Variants in MKKS observed in about 807,000 individuals in gnomAD.
MKKS encodes the protein MKKS centrosomal shuttling protein, also known as molecular chaperone MKKS.
A neutral mutation model predicts 33.2 loss-of-function variants in MKKS; 29 were observed. The ratio of observed to expected loss-of-function variants is 0.87; its 90% confidence interval spans 0.65 to 1.19. MKKS has a LOEUF of 1.19. MKKS is among the 50% of genes most tolerant of loss of function. The pLI, the probability that MKKS is intolerant of heterozygous loss-of-function variation, is 0.00. For missense variants in MKKS, 661 were observed against 662.3 expected (o/e 1.00, Z 0.02); for synonymous variants, 260 against 244.0 (o/e 1.07, Z -0.61).
In MKKS at chr20:10,413,536, T is replaced by G. The variant is rs531656259; in HGVS notation, c.-22A>C. On this transcript the variant is annotated 5_prime_UTR_variant, in exon 3 of 6. Transcript: ENST00000347364. ...ACATCTTACTTCAGGTGGTAACTAG[T>G]GAAGACCGTTTTTATTTTGTAAACC... 6 of 1,613,874 alleles carry G rather than the reference T, an allele frequency of 3.7e-6. No individual in the cohort carries two copies. In the East Asian group the frequency reaches 1.3e-4, roughly 36 times the overall value.
intron 3 of MKKS, among the ~76,000 whole-genome samples, chr20:10,410,775 G>A (rs1351040444): frequency 6.6e-6 from 1 of 151,590 alleles, no homozygotes; most frequent in South Asian, 2.1e-4. Context: ...GATTACCAGG[G>A]GAGATAGGTA....
intron 1 of MKKS, among the ~76,000 whole-genome samples, chr20:10,432,427 C>T (rs1212433189): frequency 6.6e-6 from 1 of 152,226 alleles, no homozygotes; most frequent in Non-Finnish European, 1.5e-5. Context: ...AATCACCCCT[C>T]AGTATTTGGG....
At position 10,404,150 on chromosome 20, in the gene MKKS, C is replaced by A. The variant is rs1485637018; in HGVS notation, c.*1097G>T. The A allele has an allele frequency of 1.3e-5, 2 of 152,178 alleles. No individual in the cohort carries two copies. Among genetic ancestry groups the A allele is most frequent in the Admixed American group, 6.6e-5 (1 of 15,264 alleles). The allele number at this position is 152,178 out of a possible 1,614,324, so 9.4% of individuals were successfully genotyped here. Reference sequence around the variant, plus strand: ...AATTTATCAATACATCTTATATTTGCATAAAATTCAAACTACATCCCTTGG... The same window carrying A: ...AATTTATCAATACATCTTATATTTGAATAAAATTCAAACTACATCCCTTGG... On this transcript the variant is annotated 3_prime_UTR_variant, in exon 6 of 6. Coordinates refer to ENST00000347364, the MANE Select transcript of MKKS (RefSeq NM_170784.3).
In MKKS at chr20:10,405,707, T is replaced by C. The variant is rs759659749; in HGVS notation, c.1273-20A>G. The stretch of plus-strand genomic sequence containing the variant: ...GTGAGTCTAAAGAGTAATAAAAACA[T>C]TGAAAACACATACAAAGCAATTAAT... On this transcript the variant is annotated intron_variant, in intron 5 of 5. Coordinates refer to ENST00000347364, the MANE Select transcript of MKKS (RefSeq NM_170784.3). The C allele has an allele frequency of 3.8e-6, 6 of 1,574,854 alleles. No homozygotes were observed. Among genetic ancestry groups the C allele is most frequent in the South Asian group, 1.1e-5 (1 of 90,220 alleles).
rs1169353288 is a variant in MKKS at position 10,415,635 on chromosome 20, T to C, written c.-417-1704A>G. Among the ~76,000 whole-genome samples, 3 of 152,358 alleles carry C rather than the reference T, an allele frequency of 2.0e-5. No homozygotes were observed. In the East Asian group the frequency reaches 5.8e-4, roughly 29 times the overall value. ...GATTCAGCAAAATCTGAGAAATACA[T>C]TTAAATGAAACCTCACAAAGTGACT... On this transcript the variant is annotated intron_variant, in intron 2 of 5. Transcript: ENST00000347364.
In MKKS at chr20:10,413,931, C is replaced by A; in HGVS notation, c.-417G>T. 2.5e-6 allele frequency: 1 copy of A among 407,378 alleles called. No homozygotes were observed. Among genetic ancestry groups the A allele is most frequent in the East Asian group, 3.5e-5 (1 of 28,486 alleles). The allele number at this position is 407,378 out of a possible 1,614,324, so 25.2% of individuals were successfully genotyped here. ...GCTCAGATTCAAAGCTGCTTCTTTA[C>A]CTAATAAATAATAAAAAAAACATTT... On this transcript the variant is annotated splice_region_variant and 5_prime_UTR_variant, in exon 3 of 6. Transcript: ENST00000347364.
intron 5 of MKKS, among the ~76,000 whole-genome samples, chr20:10,405,953 C>A (rs1367064297): frequency 2.6e-5 from 4 of 152,058 alleles, no homozygotes; most frequent in Non-Finnish European, 5.9e-5. Flanking sequence ...AATAACCCCA[C>A]CATCAGCTTA....
chr20:10,424,048 T>C (rs2064998366), intron 1 of MKKS, among the ~76,000 whole-genome samples: 2 of 152,214 alleles, frequency 1.3e-5, no homozygotes, highest in East Asian at 3.8e-4. Flanking sequence ...TTTGAGAGGC[T>C]TGGGAAATGA....
intron 5 of MKKS, among the ~76,000 whole-genome samples, chr20:10,407,324 C>G (rs1333373899): frequency 6.6e-6 from 1 of 152,052 alleles, no homozygotes; most frequent in East Asian, 1.9e-4. Flanking sequence ...ACTCAAAGAA[C>G]GTGATCGCTT....
At chr20:10,415,692 A>G (rs2064933242) in intron 2 of MKKS, among the ~76,000 whole-genome samples, 1 of 151,894 alleles carries the variant, frequency 6.6e-6, no homozygotes, top group Non-Finnish European at 1.5e-5. Context: ...TAAAACTTAC[A>G]TACACACCCC....
intron 1 of MKKS, among the ~76,000 whole-genome samples, chr20:10,430,302 GGCTGTGT>G (rs2065045997): frequency 6.6e-6 from 1 of 152,154 alleles, no homozygotes; most frequent in South Asian, 2.1e-4. Context: ...CTTTACAACT[GGCTGTGT>G]GGCCTTGGAT....
chr20:10,426,279 G>A (rs2065013972), intron 1 of MKKS, among the ~76,000 whole-genome samples: 1 of 152,220 alleles, frequency 6.6e-6, no homozygotes, highest in Non-Finnish European at 1.5e-5. Context: ...TAGTGCCCCA[G>A]CTTGGGCAGT....
rs1472051128 is a variant in MKKS, at chr20:10,401,789, T to A, written c.*3458A>T. The A allele has an allele frequency of 2.0e-5, 3 of 152,164 alleles. No individual in the cohort carries two copies. In the East Asian group the frequency reaches 5.8e-4, roughly 29 times the overall value. 9.4% of individuals were successfully genotyped at this position (152,164 alleles called of 1,614,324 possible). A position where few individuals can be genotyped will look rare whatever the true frequency, so the allele number is the denominator to read the frequency against. On this transcript the variant is annotated 3_prime_UTR_variant, in exon 6 of 6. Coordinates refer to ENST00000347364, the MANE Select transcript of MKKS (RefSeq NM_170784.3). The stretch of plus-strand genomic sequence containing the variant: ...AACCAAATGAGTTCAAGGATACCTA[T>A]AATAAAAGATATTAATGTGATATAG...
intron 1 of MKKS, among the ~76,000 whole-genome samples, chr20:10,424,842 A>G (rs918545047): frequency 2.6e-5 from 4 of 152,096 alleles, no homozygotes; most frequent in Non-Finnish European, 5.9e-5. Context: ...ACCTGAGGTC[A>G]GGAGTTTGAG....
rs150247161 is a variant in MKKS, at chr20:10,430,456, T to C, written c.-649+3652A>G. Among the ~76,000 whole-genome samples, 489 of 152,326 alleles carry C rather than the reference T, an allele frequency of 3.2e-3. 5 individuals carry two copies. Among genetic ancestry groups the C allele is most frequent in the African/African-American group, 0.011 (461 of 41,580 alleles). ...GCTCAGTAATTGTTAGCTATTATTA[T>C]TTTGATTATGTCAAAAAGAAAAAAA... On this transcript the variant is annotated intron_variant, in intron 1 of 5. Transcript: ENST00000347364.
rs186044169 is a variant in MKKS, at chr20:10,415,918, G to A, written c.-417-1987C>T. Reference sequence around the variant, plus strand: ...GTGACTCCCAAATCATTTTAAAGATGCCAAAACTTGTTGACCTGTGGTCAC... The same window carrying A: ...GTGACTCCCAAATCATTTTAAAGATACCAAAACTTGTTGACCTGTGGTCAC... On this transcript the variant is annotated intron_variant, in intron 2 of 5. Transcript: ENST00000347364. Among the ~76,000 whole-genome samples, 37 of 152,116 alleles carry A rather than the reference G, an allele frequency of 2.4e-4. 2 individuals carry two copies. Among genetic ancestry groups the A allele is most frequent in the East Asian group, 5.8e-4 (3 of 5,168 alleles).
At chr20:10,424,862 G>A (rs549630734) in intron 1 of MKKS, among the ~76,000 whole-genome samples, 1 of 152,088 alleles carries the variant, frequency 6.6e-6, no homozygotes, top group East Asian at 1.9e-4. Flanking sequence ...GACCAGTCTG[G>A]CCAACATGGT....
At chr20:10,428,510 T>C (rs2065031447) in intron 1 of MKKS, among the ~76,000 whole-genome samples, 1 of 152,196 alleles carries the variant, frequency 6.6e-6, no homozygotes. Context: ...CACCTCTAAC[T>C]TGTTGTCCCC....
At position 10,403,746 on chromosome 20, in the gene MKKS, A is replaced by C. The variant is rs922211923; in HGVS notation, c.*1501T>G. 3 of 151,494 alleles carry C rather than the reference A, an allele frequency of 2.0e-5. No individual in the cohort carries two copies. The highest frequency in any genetic ancestry group is 4.4e-5 in the Non-Finnish European group (3 of 67,892). 9.4% of individuals were successfully genotyped at this position (151,494 alleles called of 1,614,324 possible). A position where few individuals can be genotyped will look rare whatever the true frequency, so the allele number is the denominator to read the frequency against. On this transcript the variant is annotated 3_prime_UTR_variant, in exon 6 of 6. Transcript: ENST00000347364. The stretch of plus-strand genomic sequence containing the variant: ...GGGGAGGAAATTATGCAAGGTCTGA[A>C]ACTAGGAGGTGGGGCCACCTTAGAG...
Sources: gnomAD v4.1 joint callset for allele counts (sites outside exome capture counted in the v4.1 genomes callset) on GRCh38, gnomAD v4.1.1 for gene constraint, MANE v1.5 for transcripts, NCBI Gene and HGNC (gene_info 2026-07-23, HGNC 2026-07-21) for gene names.